Variants in KIRREL3 observed in about 807,000 individuals in gnomAD.
The protein encoded by KIRREL3 is kirre like nephrin family adhesion molecule 3, also known as kin of IRRE-like protein 3.
A neutral mutation model predicts 89.7 loss-of-function variants in KIRREL3; 36 were observed. That is an observed-to-expected ratio of 0.40 (90% CI 0.31 to 0.53). The LOEUF (loss-of-function observed/expected upper bound fraction) is 0.53. Among genes scored for constraint, KIRREL3 ranks in the 20% least tolerant of loss-of-function variants. The pLI is 0.49. For synonymous variants in KIRREL3, 445 were observed against 441.4 expected (o/e 1.01, Z -0.10); for missense variants, 864 against 1,056.6 (o/e 0.82, Z 2.53).
chr11:126,461,361 C>T (rs896963988), intron 6 of KIRREL3, among the ~76,000 whole-genome samples: 3 of 152,218 alleles, frequency 2.0e-5, no homozygotes, highest in Non-Finnish European at 2.9e-5. Context: ...ATTAAGGAGG[C>T]CTGGCCTCAC....
At position 126,484,456 on chromosome 11, in the gene KIRREL3, C is replaced by T. The variant is rs79737794; in HGVS notation, c.434-10990G>A. 0.021 allele frequency among the ~76,000 whole-genome samples: 3,182 copies of T among 152,242 alleles called. 108 individuals carry two copies. Among genetic ancestry groups the T allele is most frequent in the African/African-American group, 0.068 (2,823 of 41,530 alleles). On this transcript the variant is annotated intron_variant, in intron 4 of 16. Transcript: ENST00000525144. The surrounding 1 kb of genome is among the most constrained non-coding windows in gnomAD (Gnocchi z 5.2). ...GCTCTATATAAGGTAGATACAATGA[C>T]GATGCATATTTTGGAGGTGAGGAAA...
chr11:126,861,475 C>T (rs1245417765), intron 1 of KIRREL3, among the ~76,000 whole-genome samples: 1 of 152,124 alleles, frequency 6.6e-6, no homozygotes, highest in Non-Finnish European at 1.5e-5. Flanking sequence ...CTTGACAGTG[C>T]CTTCCGTTGG....
chr11:126,922,831 C>T (rs1347809803), intron 1 of KIRREL3, among the ~76,000 whole-genome samples: 1 of 152,184 alleles, frequency 6.6e-6, no homozygotes, highest in Non-Finnish European at 1.5e-5. Flanking sequence ...CCTTGCATTT[C>T]CCGGACTCAT....
At chr11:126,449,265 G>A (rs1955937363) in intron 7 of KIRREL3, 108 bp from the exon 8 acceptor site, 3 of 1,244,810 alleles carry the variant, frequency 2.4e-6, no homozygotes, top group Non-Finnish European at 3.4e-6. Context: ...TGTGTGGCAA[G>A]TGGGGAGTCC....
At position 126,989,213 on chromosome 11, in the gene KIRREL3, C is replaced by A. The variant is rs1264750980; in HGVS notation, c.55+11242G>T. 6.6e-6 allele frequency among the ~76,000 whole-genome samples: 1 copy of A among 152,186 alleles called. No homozygotes were observed. Among genetic ancestry groups the A allele is most frequent in the Non-Finnish European group, 1.5e-5 (1 of 68,018 alleles). On this transcript the variant is annotated intron_variant, in intron 1 of 16. Transcript: ENST00000525144. The surrounding 1 kb of genome is among the most constrained non-coding windows in gnomAD (Gnocchi z 6.2). ...TTGCAAAACTTATGCAAAAAGTTTTCTTTTCTACAAGAGATGCTGAAGAAG... is the reference window on the plus strand; with the variant it reads ...TTGCAAAACTTATGCAAAAAGTTTTATTTTCTACAAGAGATGCTGAAGAAG...
At chr11:126,524,397 G>A (rs796427452) in intron 3 of KIRREL3, among the ~76,000 whole-genome samples, 1 of 152,144 alleles carries the variant, frequency 6.6e-6, no homozygotes, top group South Asian at 2.1e-4. Flanking sequence ...GACCCTTTGG[G>A]GTTAACAGGC....
rs1336250713 is a variant in KIRREL3, at chr11:126,627,789, C to T, written c.56-64877G>A. On this transcript the variant is annotated intron_variant, in intron 1 of 16. Transcript: ENST00000525144. The surrounding 1 kb of genome is among the most constrained non-coding windows in gnomAD (Gnocchi z 5.0). ...CAGGATTAGAGGGATGTCAGATGCT[C>T]AGAGAGAACTCACAGGCCCCAGTGG... 6.6e-6 allele frequency among the ~76,000 whole-genome samples: 1 copy of T among 152,136 alleles called. No homozygotes were observed. Among genetic ancestry groups the T allele is most frequent in the Admixed American group, 6.5e-5 (1 of 15,284 alleles).
At chr11:126,960,752 T>G (rs901216041) in intron 1 of KIRREL3, among the ~76,000 whole-genome samples, 2 of 152,208 alleles carry the variant, frequency 1.3e-5, no homozygotes, top group African/African-American at 4.8e-5. Context: ...TTCACTTACA[T>G]GCACACCTTG....
chr11:126,770,149 G>A (rs889048542), intron 1 of KIRREL3, among the ~76,000 whole-genome samples: 13 of 152,030 alleles, frequency 8.6e-5, no homozygotes, highest in African/African-American at 3.1e-4. Context: ...CTGAGTTGGG[G>A]GGGAATTTGG....
intron 1 of KIRREL3, among the ~76,000 whole-genome samples, chr11:126,967,609 G>T (rs10893608): frequency 6.6e-6 from 1 of 151,770 alleles, no homozygotes; most frequent in African/African-American, 2.4e-5. Flanking sequence ...AGAAGCAACC[G>T]CAGAGAAATG....
chr11:126,430,086 C>T lies in KIRREL3; in HGVS notation c.1697-798G>A, dbSNP rs1448412100. Among the ~76,000 whole-genome samples the T allele has an allele frequency of 2.0e-5, 3 of 150,752 alleles. No homozygotes were observed. The highest frequency in any genetic ancestry group is 7.4e-5 in the African/African-American group (3 of 40,700). ...CCGGGAGGCAGCGGCTGCGGTAAGC[C>T]GAGATTGTGCCACTGCACTCCAGCC... On this transcript the variant is annotated intron_variant, in intron 14 of 16. Transcript: ENST00000525144. The surrounding 1 kb of genome is among the most constrained non-coding windows in gnomAD (Gnocchi z 6.6).
In KIRREL3 at chr11:126,876,303, A is replaced by T. The variant is rs980712346; in HGVS notation, c.55+124152T>A. On this transcript the variant is annotated intron_variant, in intron 1 of 16. Coordinates refer to ENST00000525144, the MANE Select transcript of KIRREL3 (RefSeq NM_032531.4). This position sits in a 1 kb window ranked among gnomAD's most constrained non-coding sequence, Gnocchi z 4.1. Reference sequence around the variant, plus strand: ...ATCTGCTGGAGGCAACGATCTCTAGACTCAGTTTCTCAGCCTGAAGGCACG... The same window carrying T: ...ATCTGCTGGAGGCAACGATCTCTAGTCTCAGTTTCTCAGCCTGAAGGCACG... Among the ~76,000 whole-genome samples, 4 of 152,154 alleles carry T rather than the reference A, an allele frequency of 2.6e-5. No individual in the cohort carries two copies. Among genetic ancestry groups the T allele is most frequent in the African/African-American group, 9.7e-5 (4 of 41,434 alleles).
At position 126,879,368 on chromosome 11, in the gene KIRREL3, T is replaced by C. The variant is rs894757521; in HGVS notation, c.55+121087A>G. Among the ~76,000 whole-genome samples, 4 of 152,212 alleles carry C rather than the reference T, an allele frequency of 2.6e-5. No individual in the cohort carries two copies. Among genetic ancestry groups the C allele is most frequent in the Non-Finnish European group, 5.9e-5 (4 of 68,034 alleles). On this transcript the variant is annotated intron_variant, in intron 1 of 16. Coordinates refer to ENST00000525144, the MANE Select transcript of KIRREL3 (RefSeq NM_032531.4). This position sits in a 1 kb window ranked among gnomAD's most constrained non-coding sequence, Gnocchi z 5.4. ...GAACCGTCACACACATCTGGAAATGTATGTTTCAACTCTTTCTTTTTTGTG... is the reference window on the plus strand; with the variant it reads ...GAACCGTCACACACATCTGGAAATGCATGTTTCAACTCTTTCTTTTTTGTG...
chr11:126,878,256 T>C (rs1245706943), intron 1 of KIRREL3, among the ~76,000 whole-genome samples: 1 of 152,156 alleles, frequency 6.6e-6, no homozygotes, highest in Non-Finnish European at 1.5e-5. Flanking sequence ...CTGTGGAGAG[T>C]TAAAAGTCCC....
intron 1 of KIRREL3, among the ~76,000 whole-genome samples, chr11:126,956,460 G>C (rs188956875): frequency 6.6e-6 from 1 of 152,148 alleles, no homozygotes; most frequent in Non-Finnish European, 1.5e-5. Context: ...ATGGTTCCAG[G>C]GGGAAACTCC....
At chr11:126,700,962 G>A (rs1317961199) in intron 1 of KIRREL3, among the ~76,000 whole-genome samples, 1 of 152,158 alleles carries the variant, frequency 6.6e-6, no homozygotes, top group Non-Finnish European at 1.5e-5. Context: ...AAGGCTTCCA[G>A]ATTTATTTCA....
chr11:126,916,459 G>A (rs951027184), intron 1 of KIRREL3, among the ~76,000 whole-genome samples: 13 of 152,166 alleles, frequency 8.5e-5, no homozygotes, highest in Non-Finnish European at 1.6e-4. Flanking sequence ...ACCACACTGT[G>A]AGGACAACTC....
intron 1 of KIRREL3, among the ~76,000 whole-genome samples, chr11:126,774,041 C>T (rs1009082295): frequency 4.0e-5 from 6 of 151,848 alleles, no homozygotes; most frequent in Admixed American, 2.0e-4. Context: ...AGTGAGTGAA[C>T]GCCAAGGGCT....
intron 1 of KIRREL3, among the ~76,000 whole-genome samples, chr11:126,580,861 AC>A (rs1329646884): frequency 7.4e-6 from 1 of 135,068 alleles, no homozygotes; most frequent in Non-Finnish European, 1.6e-5. Context: ...TTCTTCCTTG[AC>A]TTTACAGTCT....
Sources: allele counts gnomAD v4.1 joint callset (sites outside exome capture counted in the v4.1 genomes callset), GRCh38; gene constraint gnomAD v4.1.1; non-coding constraint Gnocchi (gnomAD v3.1); transcripts MANE v1.5; gene names NCBI Gene and HGNC (gene_info 2026-07-23, HGNC 2026-07-21).